GNG2: variants seen among roughly 807,000 people sequenced by gnomAD.
GNG2 encodes the protein guanine nucleotide-binding protein G(I)/G(S)/G(O) subunit gamma-2.
A neutral mutation model predicts 5.5 loss-of-function variants in GNG2; 5 were observed. The observed-to-expected ratio is 0.91, with a 90% CI of 0.48 to 1.92. The LOEUF (loss-of-function observed/expected upper bound fraction) is 1.92. Ranked by LOEUF, GNG2 falls within the 30% of genes most tolerant of loss-of-function variation. The pLI is 0.01. For synonymous variants in GNG2, 28 were observed against 32.0 expected, an observed-to-expected ratio of 0.88 and a Z score of 0.42; for missense variants, 55 against 88.4, an observed-to-expected ratio of 0.62 and a Z score of 1.52.
rs745510243 is a variant in GNG2, at chr14:51,875,939, A to ATTTTTTTTTTT, written c.-70-1671_-70-1670insTTTTTTTTTTT. ...AAATGCATTTTTTCATCATTTAAAC[A>ATTTTTTTTTTT]TTTTTTTCTTTTTTCCGAGACAGAC... On this transcript the variant is annotated intron_variant, in intron 1 of 3. Transcript: ENST00000556766. Among the ~76,000 whole-genome samples the ATTTTTTTTTTT allele has an allele frequency of 1.6e-4, 13 of 83,628 alleles. 1 individual carries two copies. Among genetic ancestry groups the ATTTTTTTTTTT allele is most frequent in the African/African-American group, 2.3e-4 (4 of 17,758 alleles). 54.9% of individuals were successfully genotyped at this position (83,628 alleles called of 152,430 possible).
chr14:51,826,677 T>A (rs77768661), intron 1 of GNG2, among the ~76,000 whole-genome samples: 13,822 of 152,256 alleles, frequency 0.091, 669 homozygotes, highest in Middle Eastern at 0.21. Context: ...TGGCTACAGA[T>A]AAACTAGTTA....
intron 3 of GNG2, among the ~76,000 whole-genome samples, chr14:51,957,837 T>G: frequency 6.6e-6 from 1 of 152,202 alleles, no homozygotes; most frequent in East Asian, 1.9e-4. Flanking sequence ...AGAATGTCAC[T>G]CAGTTTGGGT....
chr14:51,889,984 C>A (rs1177320666), intron 2 of GNG2, among the ~76,000 whole-genome samples: 1 of 152,166 alleles, frequency 6.6e-6, no homozygotes, highest in Non-Finnish European at 1.5e-5. Context: ...TTATCAAACT[C>A]CTAACCACAG....
At chr14:51,895,135 A>G (rs1054419235) in intron 2 of GNG2, among the ~76,000 whole-genome samples, 1 of 152,170 alleles carries the variant, frequency 6.6e-6, no homozygotes. Flanking sequence ...ATTACATACA[A>G]TTAAGAATAT....
intron 2 of GNG2, chr14:51,847,359 A>G (rs1427599055): frequency 2.0e-5 from 3 of 152,448 alleles, no homozygotes; most frequent in South Asian, 2.1e-4. Flanking sequence ...TGACACTTCA[A>G]GTCTGCAAAG....
intron 2 of GNG2, among the ~76,000 whole-genome samples, chr14:51,942,091 A>C (rs1250689537): frequency 6.6e-6 from 1 of 152,258 alleles, no homozygotes; most frequent in African/African-American, 2.4e-5. Flanking sequence ...GCTCTGTTTT[A>C]GATAAGCCGG....
chr14:51,939,629 G>T (rs997763747), intron 2 of GNG2, among the ~76,000 whole-genome samples: 6 of 152,140 alleles, frequency 3.9e-5, no homozygotes, highest in Admixed American at 1.3e-4. Flanking sequence ...CAGTGAAACC[G>T]CATGGAAATA....
rs1055157457 is a variant in GNG2, at chr14:51,951,900, C to G, written c.87+1135C>G. ...GGTGTTTCACAGGAAGTTCACTGAC[C>G]CCTGGTCTACAGCGATGGTTCTCAG... On this transcript the variant is annotated intron_variant, in intron 3 of 3. Transcript: ENST00000556766. 4.3e-6 allele frequency: 3 copies of G among 701,942 alleles called. No homozygotes were observed. The Admixed American group carries it at 6.0e-5, about 14-fold the overall frequency. The allele number at this position is 701,942 out of a possible 1,614,324, so 43.5% of individuals were successfully genotyped here.
chr14:51,960,130 A>G (rs546868071), intron 3 of GNG2, among the ~76,000 whole-genome samples: 4 of 151,696 alleles, frequency 2.6e-5, no homozygotes, highest in African/African-American at 9.7e-5. Context: ...TTATATGTGT[A>G]TTAAGTCATT....
At chr14:51,950,545 G>T in intron 2 of GNG2, 105 bp from the exon 3 acceptor site, 1 of 681,406 alleles carries the variant, frequency 1.5e-6, no homozygotes. Context: ...GAGAAGCCAG[G>T]CCTGGCTACA....
At chr14:51,934,285 G>T (rs1220632679) in intron 2 of GNG2, among the ~76,000 whole-genome samples, 2 of 152,184 alleles carry the variant, frequency 1.3e-5, no homozygotes, top group African/African-American at 4.8e-5. Context: ...GATCCTGAAA[G>T]CCAGGAAATG....
intron 2 of GNG2, among the ~76,000 whole-genome samples, chr14:51,915,646 C>T (rs2140212148): frequency 6.6e-6 from 1 of 152,130 alleles, no homozygotes; most frequent in East Asian, 1.9e-4. Context: ...TCAGCCCAGC[C>T]CTTAAACGAT....
At chr14:51,832,142 T>C (rs1159361299) in intron 2 of GNG2, among the ~76,000 whole-genome samples, 3 of 151,620 alleles carry the variant, frequency 2.0e-5, no homozygotes, top group African/African-American at 7.3e-5. Flanking sequence ...TAGTCGGGCA[T>C]GGTGGCACAC....
chr14:51,927,618 T>C (rs1041109917), intron 2 of GNG2, among the ~76,000 whole-genome samples: 2 of 152,296 alleles, frequency 1.3e-5, no homozygotes, highest in Middle Eastern at 3.4e-3. Flanking sequence ...TTCCTAAAAA[T>C]AGGGGCTGTG....
At chr14:51,878,955 G>T (rs781332257) in intron 2 of GNG2, among the ~76,000 whole-genome samples, 1 of 152,192 alleles carries the variant, frequency 6.6e-6, no homozygotes, top group Non-Finnish European at 1.5e-5. Context: ...AGCAGAGTTT[G>T]TCAATGGGGT....
intron 2 of GNG2, among the ~76,000 whole-genome samples, chr14:51,830,587 T>A (rs1407554123): frequency 6.6e-6 from 1 of 152,142 alleles, no homozygotes; most frequent in Non-Finnish European, 1.5e-5. Context: ...AAAAGCAGAG[T>A]CAATTCATGT....
At chr14:51,951,930 T>A (rs1889000061) in intron 3 of GNG2, 1 of 701,520 alleles carries the variant, frequency 1.4e-6, no homozygotes, top group African/African-American at 1.7e-5. Context: ...TCTCAGCTCA[T>A]CTGTGCGTTC....
intron 2 of GNG2, among the ~76,000 whole-genome samples, chr14:51,853,088 T>G (rs1881985041): frequency 6.6e-6 from 1 of 152,254 alleles, no homozygotes; most frequent in South Asian, 2.1e-4. Context: ...TAGTAGTTGT[T>G]CACTCATTCT....
intron 2 of GNG2, among the ~76,000 whole-genome samples, chr14:51,901,186 C>CT (rs11315945): frequency 3.1e-4 from 45 of 147,416 alleles, no homozygotes; most frequent in East Asian, 1.4e-3. Context: ...GAAAGTATTT[C>CT]TTTTTTTTTT....
Sources: allele counts gnomAD v4.1 joint callset (sites outside exome capture counted in the v4.1 genomes callset), GRCh38; gene constraint gnomAD v4.1.1; transcripts MANE v1.5; gene names NCBI Gene and HGNC (gene_info 2026-07-23, HGNC 2026-07-21).